Variants in MAP4K4 observed in about 807,000 individuals in gnomAD.
MAP4K4 encodes the protein HPK/GCK-like kinase HGK.
Under a neutral mutation model 189.6 loss-of-function variants are expected in MAP4K4, and 38 were observed. That is an observed-to-expected ratio of 0.20 (90% CI 0.15 to 0.26). The LOEUF (loss-of-function observed/expected upper bound fraction) is 0.26. MAP4K4 is among the 10% of genes least tolerant of loss of function. The pLI, the probability that MAP4K4 is intolerant of heterozygous loss-of-function variation, is 1.00. For missense variants in MAP4K4, 1,054 were observed against 1,726.9 expected, an observed-to-expected ratio of 0.61 and a Z score of 6.91; for synonymous variants, 610 against 624.3, an observed-to-expected ratio of 0.98 and a Z score of 0.34.
intron 3 of MAP4K4, among the ~76,000 whole-genome samples, chr2:101,799,575 G>T (rs1294525396): frequency 3.3e-5 from 5 of 151,076 alleles, no homozygotes; most frequent in Non-Finnish European, 5.9e-5. Context: ...TGCTGTATAT[G>T]TGTGTGGGTT....
chr2:101,751,435 C>T (rs1239392172), intron 2 of MAP4K4, among the ~76,000 whole-genome samples: 1 of 152,166 alleles, frequency 6.6e-6, no homozygotes, highest in Non-Finnish European at 1.5e-5. Flanking sequence ...AACACAATAG[C>T]TTAACCCCTG....
intron 3 of MAP4K4, among the ~76,000 whole-genome samples, chr2:101,799,998 G>T (rs1021141390): frequency 6.6e-6 from 1 of 152,014 alleles, no homozygotes; most frequent in Non-Finnish European, 1.5e-5. Context: ...CCTCTTGTAG[G>T]ATTATCTCAG....
chr2:101,887,405 A>G (rs1577471456), intron 30 of MAP4K4, 168 bp downstream of exon 30: 2 of 671,506 alleles, frequency 3.0e-6, no homozygotes, highest in East Asian at 6.2e-5. Context: ...CTCTTAGACA[A>G]GTGGAAATCC....
At chr2:101,763,899 C>G (rs2077486606) in intron 2 of MAP4K4, among the ~76,000 whole-genome samples, 1 of 152,120 alleles carries the variant, frequency 6.6e-6, no homozygotes, top group Non-Finnish European at 1.5e-5. Context: ...TGTTTCATCA[C>G]AAGGCTGTGG....
intron 2 of MAP4K4, among the ~76,000 whole-genome samples, chr2:101,700,710 A>G (rs2037969771): frequency 6.6e-6 from 1 of 151,846 alleles, no homozygotes; most frequent in Non-Finnish European, 1.5e-5. Flanking sequence ...CATTGTTGTT[A>G]TCACACTTAG....
intron 16 of MAP4K4, chr2:101,861,335 G>T: frequency 5.5e-6 from 1 of 181,368 alleles, no homozygotes; most frequent in Non-Finnish European, 1.2e-5. Flanking sequence ...GGAGAGCCAG[G>T]AATTTTCTTT....
At chr2:101,839,741 T>G in intron 9 of MAP4K4, 78 bp from the exon 10 acceptor site, 2 of 1,100,068 alleles carry the variant, frequency 1.8e-6, no homozygotes, top group African/African-American at 1.6e-5. Context: ...TTCTTTATGT[T>G]GAGGCTTGTA....
Position 101,842,768 on chromosome 2 carries a change from G to T in MAP4K4, c.1022+87G>T, listed in dbSNP as rs959334206. Reference sequence around the variant, plus strand: ...CAGGACTGCAGAAGACTCCTGTGTGGTACAAAGAATCTTAAATTACTTAGA... The same window carrying T: ...CAGGACTGCAGAAGACTCCTGTGTGTTACAAAGAATCTTAAATTACTTAGA... On this transcript the variant is annotated intron_variant, in intron 11 of 32. Coordinates refer to ENST00000324219, the Ensembl canonical transcript of MAP4K4. The T allele has an allele frequency of 1.2e-5, 11 of 916,116 alleles. No homozygotes were observed. In the South Asian group the frequency reaches 1.9e-4, roughly 15 times the overall value. 56.7% of individuals were successfully genotyped at this position (916,116 alleles called of 1,614,324 possible).
intron 9 of MAP4K4, among the ~76,000 whole-genome samples, chr2:101,837,362 C>G (rs2096789408): frequency 1.3e-5 from 2 of 152,050 alleles, no homozygotes; most frequent in Admixed American, 1.3e-4. Context: ...CTGTAGCTCA[C>G]TGTCCTTGCC....
chr2:101,869,641 A>G lies in MAP4K4; in HGVS notation c.2483A>G (p.Lys828Arg), dbSNP rs1193442773. Residue 828 changes from lysine (K) to arginine (R), a missense_variant, in exon 22 of 33, where the codon AAA becomes AGA. Lys to Arg is a conservative substitution (Grantham distance 26). Coordinates refer to ENST00000324219, the Ensembl canonical transcript of MAP4K4. ...CTTTAGGATCTGACCGCACTGGCCA[A>G]AGAGCTTCGAGCAGTGGAAGATGTA... The G allele has an allele frequency of 2.5e-6, 4 of 1,610,422 alleles. No individual in the cohort carries two copies. In the Admixed American group the frequency reaches 5.0e-5, roughly 20 times the overall value.
At chr2:101,812,555 C>T (rs1404594298) in intron 3 of MAP4K4, among the ~76,000 whole-genome samples, 1 of 151,974 alleles carries the variant, frequency 6.6e-6, no homozygotes, top group Non-Finnish European at 1.5e-5. Flanking sequence ...TGACTTACTA[C>T]AGCTTTATGA....
chr2:101,823,849 T>G, intron 3 of MAP4K4, 79 bp from the exon 4 acceptor site: 1 of 1,215,342 alleles, frequency 8.2e-7, no homozygotes, highest in Non-Finnish European at 1.1e-6. Flanking sequence ...GTTCCTTTCA[T>G]TATTGTATGT....
At chr2:101,735,057 C>CT (rs11459576) in intron 2 of MAP4K4, among the ~76,000 whole-genome samples, 15,280 of 152,184 alleles carry the variant, frequency 0.1, 2,182 homozygotes, top group African/African-American at 0.32. Flanking sequence ...CTGGTTAGAA[C>CT]TTAACATTTA....
Position 101,729,101 on chromosome 2 carries a change from A to AGAGAGAGTGTGTGTGT in MAP4K4, c.123+30564_123+30565insAGAGAGTGTGTGTGTG, listed in dbSNP as rs149283961. ...AGGAGAGAGAGAGAGAGAGAGAGAG[A>AGAGAGAGTGTGTGTGT]GTGTGTGTGTGTGTGTGTGTGTGTG... is the stretch of plus-strand genomic sequence containing the variant. On this transcript the variant is annotated intron_variant, in intron 2 of 32. Transcript: ENST00000324219. Among the ~76,000 whole-genome samples the AGAGAGAGTGTGTGTGT allele has an allele frequency of 2.8e-3, 372 of 130,584 alleles. 2 individuals carry two copies. The highest frequency in any genetic ancestry group is 9.7e-3 in the African/African-American group (311 of 32,194). The allele number at this position is 130,584 out of a possible 152,430, so 85.7% of individuals were successfully genotyped here.
intron 21 of MAP4K4, among the ~76,000 whole-genome samples, 189 bp from the exon 22 acceptor site, chr2:101,869,433 T>C (rs1438623461): frequency 2.0e-5 from 3 of 151,832 alleles, no homozygotes; most frequent in African/African-American, 7.3e-5. Context: ...TTTTTTTTTT[T>C]AATCTCTCTC....
At chr2:101,795,341 A>G (rs1216255636) in intron 3 of MAP4K4, among the ~76,000 whole-genome samples, 1 of 152,188 alleles carries the variant, frequency 6.6e-6, no homozygotes, top group Non-Finnish European at 1.5e-5. Context: ...TTTTGTATTT[A>G]TTAGTCAACA....
At chr2:101,843,002 A>G (rs1332584461) in intron 11 of MAP4K4, among the ~76,000 whole-genome samples, 3 of 152,126 alleles carry the variant, frequency 2.0e-5, no homozygotes, top group African/African-American at 7.2e-5. Context: ...GCCATTGAAC[A>G]CCATTTCTTG....
rs139199523 is a variant in MAP4K4, at chr2:101,753,373, A to G, written c.124-37347A>G. ...ATTTTCAAAGAAAATCTTTGTTTGAAATAGTTTTTGAAATGTGCCTTTGGC... is the reference window on the plus strand; with the variant it reads ...ATTTTCAAAGAAAATCTTTGTTTGAGATAGTTTTTGAAATGTGCCTTTGGC... On this transcript the variant is annotated intron_variant, in intron 2 of 32. Coordinates refer to ENST00000324219, the Ensembl canonical transcript of MAP4K4. Among the ~76,000 whole-genome samples, 672 of 152,360 alleles carry G rather than the reference A, an allele frequency of 4.4e-3. 2 individuals carry two copies. Among genetic ancestry groups the G allele is most frequent in the Middle Eastern group, 0.024 (7 of 294 alleles).
intron 2 of MAP4K4, among the ~76,000 whole-genome samples, chr2:101,726,889 A>C (rs1368278777): frequency 6.6e-6 from 1 of 152,208 alleles, no homozygotes; most frequent in Non-Finnish European, 1.5e-5. Context: ...TGAGAAGTTC[A>C]AGAATAAGGG....
Sources: allele counts gnomAD v4.1 joint callset (sites outside exome capture counted in the v4.1 genomes callset), GRCh38; gene constraint gnomAD v4.1.1; transcripts MANE v1.5; gene names NCBI Gene and HGNC (gene_info 2026-07-23, HGNC 2026-07-21).